ADCK1: variants seen among roughly 807,000 people sequenced by gnomAD.
The protein encoded by ADCK1 is aarF domain containing kinase 1, also known as aarF domain-containing protein kinase 1.
Under a neutral mutation model 52.3 loss-of-function variants are expected in ADCK1, and 41 were observed. The observed-to-expected ratio is 0.78, with a 90% CI of 0.61 to 1.02. The LOEUF is 1.02. Ranked by LOEUF, ADCK1 falls within the 50% of genes least tolerant of loss-of-function variation. The pLI, the probability that ADCK1 is intolerant of heterozygous loss-of-function variation, is 0.00. For missense variants in ADCK1, 658 were observed against 679.5 expected, an observed-to-expected ratio of 0.97 and a Z score of 0.35; for synonymous variants, 250 against 274.6, an observed-to-expected ratio of 0.91 and a Z score of 0.89.
chr14:77,900,801 T>C, intron 6 of ADCK1: 1 of 331,204 alleles, frequency 3.0e-6, no homozygotes, highest in Non-Finnish European at 6.0e-6. Flanking sequence ...ATCAAACTAT[T>C]CCCTAACATA....
rs1555351863 is a variant in ADCK1, at chr14:77,854,435, G to GT, written c.220-4635dup. Among the ~76,000 whole-genome samples, 19 of 152,142 alleles carry GT rather than the reference G, an allele frequency of 1.2e-4. No homozygotes were observed. The South Asian group carries it at 3.9e-3, about 32-fold the overall frequency. The stretch of plus-strand genomic sequence containing the variant: ...ATAGTTAGAGTATTGGATTAATCCT[G>GT]TTTTTTATTTTCTATATTTTCTGGT... On this transcript the variant is annotated intron_variant, in intron 3 of 10. Coordinates refer to ENST00000238561, the MANE Select transcript of ADCK1 (RefSeq NM_020421.4).
rs555683285 is a variant in ADCK1, at chr14:77,807,890, G to A, written c.-12+7720G>A. On this transcript the variant is annotated intron_variant, in intron 1 of 10. Coordinates refer to ENST00000238561, the MANE Select transcript of ADCK1 (RefSeq NM_020421.4). Reference sequence around the variant, plus strand: ...ACTCCTGACCTCAAGTGATCCACCCGTCTCAGCCTCTCAAAGTGCTGGGAT... The same window carrying A: ...ACTCCTGACCTCAAGTGATCCACCCATCTCAGCCTCTCAAAGTGCTGGGAT... Among the ~76,000 whole-genome samples the A allele has an allele frequency of 5.3e-5, 8 of 152,088 alleles. No homozygotes were observed. The South Asian group carries it at 6.2e-4, about 12-fold the overall frequency.
At chr14:77,841,374 C>T (rs1443636618) in intron 3 of ADCK1, among the ~76,000 whole-genome samples, 1 of 152,126 alleles carries the variant, frequency 6.6e-6, no homozygotes, top group East Asian at 1.9e-4. Context: ...AGGTCAAGAA[C>T]ACAGGGCCTC....
rs369655177 is a variant in ADCK1 at position 77,818,975 on chromosome 14, C to T, written c.-4C>T. On this transcript the variant is annotated 5_prime_UTR_variant, in exon 2 of 11. Coordinates refer to ENST00000238561, the MANE Select transcript of ADCK1 (RefSeq NM_020421.4). ...CTTTCCTTTTTTCTGCAGGATCTGG[C>T]GACATGGCCAGAAAGGCTCTCAAGC... is the stretch of plus-strand genomic sequence containing the variant. 3.3e-5 allele frequency: 53 copies of T among 1,613,274 alleles called. No individual in the cohort carries two copies. Among genetic ancestry groups the T allele is most frequent in the Middle Eastern group, 3.3e-4 (2 of 6,056 alleles).
At chr14:77,880,430 T>C (rs2082997307) in intron 4 of ADCK1, among the ~76,000 whole-genome samples, 1 of 152,190 alleles carries the variant, frequency 6.6e-6, no homozygotes, top group Admixed American at 6.6e-5. Context: ...AACCAATAGT[T>C]TGATCTTTTG....
chr14:77,923,775 C>T lies in ADCK1; in HGVS notation c.859-682C>T, dbSNP rs1045692550. 2 of 152,276 alleles carry T rather than the reference C, an allele frequency of 1.3e-5. No individual in the cohort carries two copies. Among genetic ancestry groups the T allele is most frequent in the African/African-American group, 4.8e-5 (2 of 41,450 alleles). The allele number at this position is 152,276 out of a possible 1,614,324, so 9.4% of individuals were successfully genotyped here. A position where few individuals can be genotyped will look rare whatever the true frequency, so the allele number is the denominator to read the frequency against. On this transcript the variant is annotated intron_variant, in intron 7 of 10. Coordinates refer to ENST00000238561, the MANE Select transcript of ADCK1 (RefSeq NM_020421.4). The surrounding 1 kb of genome is among the most constrained non-coding windows in gnomAD (Gnocchi z 4.3). ...ACTAGAGATAAGAAGACTGCCTCGT[C>T]AGGGAGAGCAGCAGTGACAGGATGA...
chr14:77,901,748 A>G (rs556940413), intron 6 of ADCK1, among the ~76,000 whole-genome samples: 112 of 152,296 alleles, frequency 7.4e-4, no homozygotes, highest in Admixed American at 1.4e-3. Context: ...AACTGGGGAG[A>G]GAGATGTATG....
rs541793874 is a variant in ADCK1, at chr14:77,815,555, T to C, written c.-11-3413T>C. Among the ~76,000 whole-genome samples, 19 of 151,082 alleles carry C rather than the reference T, an allele frequency of 1.3e-4. 1 individual carries two copies. In the South Asian group the frequency reaches 4.0e-3, roughly 32 times the overall value. ...TTTTTTTTGAGATGGAGTCTCTTTC[T>C]GTGGCCCAGACTGGAGTGCAGTGGC... On this transcript the variant is annotated intron_variant, in intron 1 of 10. Transcript: ENST00000238561.
At chr14:77,841,530 C>A (rs146346652) in intron 3 of ADCK1, among the ~76,000 whole-genome samples, 9 of 152,056 alleles carry the variant, frequency 5.9e-5, no homozygotes, top group African/African-American at 1.9e-4. Flanking sequence ...GCACCTAGAT[C>A]TGAAATTTGC....
intron 3 of ADCK1, among the ~76,000 whole-genome samples, chr14:77,829,143 A>G (rs891207174): frequency 6.6e-6 from 1 of 151,176 alleles, no homozygotes; most frequent in Admixed American, 6.6e-5. Flanking sequence ...GGAGAATGGT[A>G]TTTAGAAACC....
chr14:77,917,218 C>A (rs2083945538), intron 7 of ADCK1, among the ~76,000 whole-genome samples: 2 of 152,228 alleles, frequency 1.3e-5, no homozygotes, highest in South Asian at 2.1e-4. Flanking sequence ...GAGTGAGACC[C>A]CGTATTTTTT....
chr14:77,921,188 G>C (rs572121400), intron 7 of ADCK1, among the ~76,000 whole-genome samples: 1 of 150,730 alleles, frequency 6.6e-6, no homozygotes, highest in Non-Finnish European at 1.5e-5. Flanking sequence ...TTAGCCAGGC[G>C]TGGTGGCAGG....
At chr14:77,890,026 G>A (rs1478514815) in intron 5 of ADCK1, among the ~76,000 whole-genome samples, 1 of 152,206 alleles carries the variant, frequency 6.6e-6, no homozygotes, top group African/African-American at 2.4e-5. Flanking sequence ...AGGAAAACCA[G>A]GATTGAGCAA....
At chr14:77,864,509 G>A (rs566967701) in intron 4 of ADCK1, among the ~76,000 whole-genome samples, 2 of 152,256 alleles carry the variant, frequency 1.3e-5, no homozygotes, top group African/African-American at 4.8e-5. Context: ...CTTGATGGGA[G>A]GGGGTAAAAG....
At chr14:77,824,293 A>G (rs75070077) in intron 3 of ADCK1, among the ~76,000 whole-genome samples, 2,472 of 152,304 alleles carry the variant, frequency 0.016, 24 homozygotes, top group Non-Finnish European at 0.027. Context: ...CCTGCAATAG[A>G]TAAGGACCTT....
At chr14:77,818,372 C>T (rs1212894736) in intron 1 of ADCK1, among the ~76,000 whole-genome samples, 1 of 151,980 alleles carries the variant, frequency 6.6e-6, no homozygotes, top group East Asian at 1.9e-4. Context: ...GTCTCCTCCT[C>T]CCGGGCTCAA....
chr14:77,886,040 A>G (rs3783962), intron 4 of ADCK1, among the ~76,000 whole-genome samples: 58,039 of 152,170 alleles, frequency 0.38, 11,842 homozygotes, highest in Admixed American at 0.51. Context: ...ACTTCATAGA[A>G]AAAGAAAATG....
chr14:77,897,241 T>C (rs546740658), intron 5 of ADCK1, among the ~76,000 whole-genome samples: 30 of 152,336 alleles, frequency 2.0e-4, no homozygotes, highest in South Asian at 4.1e-4. Flanking sequence ...AATCAGTCAA[T>C]GTTCTCCCCA....
At chr14:77,856,774 C>T (rs8020016) in intron 3 of ADCK1, among the ~76,000 whole-genome samples, 57,643 of 151,770 alleles carry the variant, frequency 0.38, 11,720 homozygotes, top group Admixed American at 0.51. Flanking sequence ...GAGGCCACGG[C>T]GAGTGGATTA....
Sources: gnomAD v4.1 joint callset for allele counts (sites outside exome capture counted in the v4.1 genomes callset) on GRCh38, gnomAD v4.1.1 for gene constraint, Gnocchi (gnomAD v3.1) non-coding constraint, MANE v1.5 for transcripts, NCBI Gene and HGNC (gene_info 2026-07-23, HGNC 2026-07-21) for gene names.